The following CCDC181 variants were observed in gnomAD, a reference collection of about 807,000 sequenced individuals.
CCDC181 encodes coiled-coil domain-containing protein 181.
CCDC181 carries 35 observed loss-of-function variants against 58.7 expected under a neutral mutation model. That is an observed-to-expected ratio of 0.60 (90% CI 0.46 to 0.79). The LOEUF (loss-of-function observed/expected upper bound fraction) is 0.79, where lower values mean the gene tolerates loss of function less well. CCDC181 is among the 30% of genes least tolerant of loss of function. The pLI is 0.00. For synonymous variants in CCDC181, 183 were observed against 197.5 expected, an observed-to-expected ratio of 0.93 and a Z score of 0.62; for missense variants, 517 against 583.9, an observed-to-expected ratio of 0.89 and a Z score of 1.18.
chr1:169,434,645 C>A (rs115533059), intron 2 of CCDC181, among the ~76,000 whole-genome samples: 2,330 of 151,438 alleles, frequency 0.015, 63 homozygotes, highest in African/African-American at 0.053. Context: ...TGGGATGAAC[C>A]TTTGAAGACA....
chr1:169,444,709 A>G (rs1055426035), intron 2 of CCDC181, among the ~76,000 whole-genome samples: 2 of 152,150 alleles, frequency 1.3e-5, no homozygotes, highest in Middle Eastern at 3.2e-3. Flanking sequence ...ATCCAAAAGC[A>G]GTGGTGGCTA....
At chr1:169,426,666 T>G (rs1040014142) in intron 1 of CCDC181, among the ~76,000 whole-genome samples, 1 of 152,328 alleles carries the variant, frequency 6.6e-6, no homozygotes, top group African/African-American at 2.4e-5. Flanking sequence ...TTTAAACATA[T>G]GCTTGCTTAA....
intron 2 of CCDC181, chr1:169,454,414 T>C (rs1298140465): frequency 6.6e-6 from 1 of 152,084 alleles, no homozygotes; most frequent in Non-Finnish European, 1.5e-5. Context: ...TGTGGTGTTT[T>C]ATTCATATAT....
At chr1:169,418,708 G>A in intron 4 of CCDC181, 1 of 363,208 alleles carries the variant, frequency 2.8e-6, no homozygotes, top group African/African-American at 2.1e-5. Flanking sequence ...CTAGGGTTTT[G>A]TGGGGGGGTG....
At chr1:169,424,096 A>G (rs1656611814) in intron 2 of CCDC181, among the ~76,000 whole-genome samples, 1 of 151,954 alleles carries the variant, frequency 6.6e-6, no homozygotes, top group Non-Finnish European at 1.5e-5. Flanking sequence ...TAACTTATGT[A>G]TATACATATA....
intron 2 of CCDC181, among the ~76,000 whole-genome samples, chr1:169,435,100 T>C (rs1455230796): frequency 6.6e-6 from 1 of 152,048 alleles, no homozygotes; most frequent in African/African-American, 2.4e-5. Context: ...ATAAGTTTTA[T>C]GATAGGTGTT....
intron 2 of CCDC181, among the ~76,000 whole-genome samples, chr1:169,456,207 C>T (rs1050834159): frequency 3.3e-5 from 5 of 152,006 alleles, no homozygotes; most frequent in African/African-American, 9.7e-5. Context: ...GGAACCTTGC[C>T]GAACTATTCA....
At chr1:169,428,477 TATTTTTCA>T (rs72005884), upstream of CCDC181, among the ~76,000 whole-genome samples, 11,150 of 152,144 alleles carry the variant, frequency 0.073, 1,494 homozygotes, top group East Asian at 0.66. Flanking sequence ...CCTAAATTTG[TATTTTTCA>T]AATAATGGGT....
At chr1:169,411,934 C>A (rs1368962486) in intron 4 of CCDC181, among the ~76,000 whole-genome samples, 1 of 152,120 alleles carries the variant, frequency 6.6e-6, no homozygotes, top group Non-Finnish European at 1.5e-5. Flanking sequence ...ACTGAATGGG[C>A]AAAAGCTGGA....
At chr1:169,455,803 C>T (rs1280773118) in intron 2 of CCDC181, among the ~76,000 whole-genome samples, 1 of 152,108 alleles carries the variant, frequency 6.6e-6, no homozygotes, top group Admixed American at 6.6e-5. Context: ...AAAGAAAGTA[C>T]ATACATGCAG....
intron 2 of CCDC181, among the ~76,000 whole-genome samples, chr1:169,437,765 A>G (rs1423371433): frequency 6.6e-6 from 1 of 152,198 alleles, no homozygotes. Flanking sequence ...CAAAGGCATT[A>G]GTATTGTCAT....
At chr1:169,456,543 GA>G (rs892517606) in intron 2 of CCDC181, among the ~76,000 whole-genome samples, 1 of 152,090 alleles carries the variant, frequency 6.6e-6, no homozygotes, top group African/African-American at 2.4e-5. Flanking sequence ...CTGCACTCAT[GA>G]AAAAATGTGT....
At chr1:169,428,313 G>A (rs1240094812), upstream of CCDC181, among the ~76,000 whole-genome samples, 2 of 151,518 alleles carry the variant, frequency 1.3e-5, no homozygotes. Context: ...GAAAAAAGAC[G>A]CTCCCAAAAA....
At chr1:169,421,026 C>T (rs1479784386) in intron 3 of CCDC181, among the ~76,000 whole-genome samples, 1 of 152,142 alleles carries the variant, frequency 6.6e-6, no homozygotes, top group Non-Finnish European at 1.5e-5. Flanking sequence ...TTCCATCTGA[C>T]ATTTTATTTT....
chr1:169,451,548 T>C (rs1316105846), intron 2 of CCDC181, among the ~76,000 whole-genome samples: 2 of 152,224 alleles, frequency 1.3e-5, no homozygotes, highest in Admixed American at 6.5e-5. Flanking sequence ...GACAGCAAAC[T>C]GTTATAATGA....
upstream of CCDC181, among the ~76,000 whole-genome samples, chr1:169,431,865 C>G (rs1463023904): frequency 3.9e-5 from 6 of 152,150 alleles, no homozygotes; most frequent in Non-Finnish European, 8.8e-5. Context: ...GTTGTTGCAC[C>G]TTCCCCCACC....
intron 4 of CCDC181, among the ~76,000 whole-genome samples, chr1:169,405,643 T>C (rs1023199983): frequency 2.6e-5 from 4 of 152,142 alleles, no homozygotes; most frequent in African/African-American, 9.7e-5. Flanking sequence ...TTACGCCTTA[T>C]ACAAAAATTA....
chr1:169,452,831 A>G (rs994955313), intron 2 of CCDC181: 11 of 152,192 alleles, frequency 7.2e-5, no homozygotes, highest in Admixed American at 2.6e-4. Context: ...ATTTTCAAGT[A>G]TAACAAAAAT....
At chr1:169,401,417 C>T (rs773825868) in intron 4 of CCDC181, among the ~76,000 whole-genome samples, 2 of 152,216 alleles carry the variant, frequency 1.3e-5, no homozygotes, top group Non-Finnish European at 2.9e-5. Flanking sequence ...CCAACTGACA[C>T]CTCATACAGC....
Sources: allele counts gnomAD v4.1 joint callset (sites outside exome capture counted in the v4.1 genomes callset), GRCh38; gene constraint gnomAD v4.1.1; transcripts MANE v1.5; gene names NCBI Gene and HGNC (gene_info 2026-07-23, HGNC 2026-07-21).